PGGT1B: variants seen among roughly 807,000 people sequenced by gnomAD.
PGGT1B encodes geranylgeranyl transferase type-1 subunit beta.
A neutral mutation model predicts 46.1 loss-of-function variants in PGGT1B; 30 were observed. The observed-to-expected ratio is 0.65, with a 90% CI of 0.49 to 0.88. The LOEUF (loss-of-function observed/expected upper bound fraction) is 0.88, where lower values mean the gene tolerates loss of function less well. Among genes scored for constraint, PGGT1B ranks in the 40% least tolerant of loss-of-function variants. The probability of loss-of-function intolerance (pLI) is 0.00; values close to 1 mark genes in which losing one functional copy is unlikely to be tolerated. For missense variants in PGGT1B, 376 were observed against 455.9 expected (o/e 0.82, Z 1.60); for synonymous variants, 170 against 160.0 (o/e 1.06, Z -0.47).
At chr5:115,216,839 T>C (rs781371203) in intron 8 of PGGT1B, 26 bp downstream of exon 8, 8 of 1,136,686 alleles carry the variant, frequency 7.0e-6, no homozygotes, top group East Asian at 4.7e-5. Context: ...ATAAAGGTTG[T>C]TCTGATTCAC....
At chr5:115,251,258 T>C (rs1010962522) in intron 2 of PGGT1B, among the ~76,000 whole-genome samples, 7 of 152,114 alleles carry the variant, frequency 4.6e-5, no homozygotes, top group Non-Finnish European at 8.8e-5. Context: ...TGAACCCTTG[T>C]TATTTTCCAC....
intron 8 of PGGT1B, among the ~76,000 whole-genome samples, chr5:115,214,323 A>G (rs1756342813): frequency 6.6e-6 from 1 of 152,176 alleles, no homozygotes; most frequent in South Asian, 2.1e-4. Context: ...CCTTATCTGT[A>G]AGTGGCAACG....
rs1274202747 is a variant in PGGT1B at position 115,211,650 on chromosome 5, A to G, written c.*752T>C. 1 of 151,440 alleles carries G rather than the reference A, an allele frequency of 6.6e-6. No homozygotes were observed. Among genetic ancestry groups the G allele is most frequent in the Non-Finnish European group, 1.5e-5 (1 of 67,754 alleles). 9.4% of individuals were successfully genotyped at this position (151,440 alleles called of 1,614,324 possible). A position where few individuals can be genotyped will look rare whatever the true frequency, so the allele number is the denominator to read the frequency against. ...AACTAATGATTTGAGAATAAAATCAAACATAACTGGTATTCACCACAGCAA... is the reference window on the plus strand; with the variant it reads ...AACTAATGATTTGAGAATAAAATCAGACATAACTGGTATTCACCACAGCAA... On this transcript the variant is annotated 3_prime_UTR_variant, in exon 9 of 9. Coordinates refer to ENST00000419445, the MANE Select transcript of PGGT1B (RefSeq NM_005023.4).
At chr5:115,260,724 CA>C (rs919589007) in intron 1 of PGGT1B, among the ~76,000 whole-genome samples, 1 of 151,838 alleles carries the variant, frequency 6.6e-6, no homozygotes, top group Middle Eastern at 3.2e-3. Context: ...AAACATTAGA[CA>C]AAAAAGGATA....
At position 115,253,234 on chromosome 5, in the gene PGGT1B, T is replaced by A; in HGVS notation, c.162A>T (p.Ala54=). ...AATCCAACATATCCAGCCCGGAGAG[T>A]GCAAAAAATGCAATTGTCAACCTAA... ...ETSRLTIAFF[A]LSGLDMLDSL... Residue 54 remains alanine (A), a synonymous_variant, in exon 2 of 9, where the codon GCA becomes GCT. Transcript: ENST00000419445. 6.3e-7 allele frequency: 1 copy of A among 1,575,304 alleles called. No homozygotes were observed. The highest frequency in any genetic ancestry group is 1.2e-5 in the South Asian group (1 of 83,900).
At chr5:115,232,115 CA>C (rs1216412310) in intron 5 of PGGT1B, among the ~76,000 whole-genome samples, 1 of 151,938 alleles carries the variant, frequency 6.6e-6, no homozygotes, top group Non-Finnish European at 1.5e-5. Context: ...GATGAAAGTG[CA>C]GTAAAGAAAT....
intron 5 of PGGT1B, among the ~76,000 whole-genome samples, chr5:115,235,822 T>C (rs186963152): frequency 7.9e-5 from 12 of 152,218 alleles, no homozygotes; most frequent in South Asian, 4.1e-4. Flanking sequence ...ATATTGCCTA[T>C]GAAAAGTTGA....
intron 1 of PGGT1B, among the ~76,000 whole-genome samples, chr5:115,253,821 G>C (rs1253815324): frequency 6.6e-6 from 1 of 151,842 alleles, no homozygotes; most frequent in Non-Finnish European, 1.5e-5. Flanking sequence ...AGCATTCTTT[G>C]GCAGAATGAA....
chr5:115,216,221 C>T (rs935238595), intron 8 of PGGT1B, among the ~76,000 whole-genome samples: 1 of 151,986 alleles, frequency 6.6e-6, no homozygotes. Flanking sequence ...CTCACTGGAA[C>T]CTCTGCTTCC....
chr5:115,221,455 T>G (rs1389596633), intron 7 of PGGT1B, among the ~76,000 whole-genome samples: 1 of 152,096 alleles, frequency 6.6e-6, no homozygotes, highest in Non-Finnish European at 1.5e-5. Flanking sequence ...TACCTTCCCA[T>G]AAAACCTTTA....
chr5:115,234,783 C>T (rs575185172), intron 5 of PGGT1B, among the ~76,000 whole-genome samples: 1 of 151,842 alleles, frequency 6.6e-6, no homozygotes, highest in Non-Finnish European at 1.5e-5. Context: ...TAAAATGAGC[C>T]CTGTGGTGTT....
rs890372307 is a variant in PGGT1B at position 115,205,013 on chromosome 5, T to C, written c.*7389A>G. On this transcript the variant is annotated 3_prime_UTR_variant, in exon 9 of 9. Coordinates refer to ENST00000419445, the MANE Select transcript of PGGT1B (RefSeq NM_005023.4). ...AATTGCTGAAACTTAAATGACAAGA[T>C]GAAAATCCATTAACAGGCTAGCATA... 1 of 152,172 alleles carries C rather than the reference T, an allele frequency of 6.6e-6. No individual in the cohort carries two copies. The highest frequency in any genetic ancestry group is 1.5e-5 in the Non-Finnish European group (1 of 68,018). The allele number at this position is 152,172 out of a possible 1,614,324, so 9.4% of individuals were successfully genotyped here.
intron 5 of PGGT1B, among the ~76,000 whole-genome samples, chr5:115,232,788 T>C (rs1029914766): frequency 1.3e-5 from 2 of 151,948 alleles, no homozygotes; most frequent in Non-Finnish European, 2.9e-5. Context: ...ACTGGCTATA[T>C]GGAAGGCACT....
rs1460817497 is a variant in PGGT1B at position 115,205,291 on chromosome 5, G to C, written c.*7111C>G. On this transcript the variant is annotated 3_prime_UTR_variant, in exon 9 of 9. Coordinates refer to ENST00000419445, the MANE Select transcript of PGGT1B (RefSeq NM_005023.4). ...AGTAGATGCAAACATACATGAGTGAGGTCCCATGTACCAATCACCAACTGC... is the reference window on the plus strand; with the variant it reads ...AGTAGATGCAAACATACATGAGTGACGTCCCATGTACCAATCACCAACTGC... The C allele has an allele frequency of 6.6e-6, 1 of 152,092 alleles. No homozygotes were observed. Among genetic ancestry groups the C allele is most frequent in the African/African-American group, 2.4e-5 (1 of 41,416 alleles). The allele number at this position is 152,092 out of a possible 1,614,324, so 9.4% of individuals were successfully genotyped here.
Position 115,204,346 on chromosome 5 carries a change from T to G in PGGT1B, c.*8056A>C, listed in dbSNP as rs1019947212. The stretch of plus-strand genomic sequence containing the variant: ...CAGAGAATCTGCACTTTCTAACGAG[T>G]ACCCAGGTGATGCTAGTGTTTCCAT... On this transcript the variant is annotated 3_prime_UTR_variant, in exon 9 of 9. Coordinates refer to ENST00000419445, the MANE Select transcript of PGGT1B (RefSeq NM_005023.4). The G allele has an allele frequency of 5.3e-5, 8 of 152,226 alleles. No homozygotes were observed. Among genetic ancestry groups the G allele is most frequent in the Middle Eastern group, 3.4e-3 (1 of 294 alleles). The allele number at this position is 152,226 out of a possible 1,614,324, so 9.4% of individuals were successfully genotyped here.
intron 1 of PGGT1B, among the ~76,000 whole-genome samples, chr5:115,255,534 T>C (rs1748274409): frequency 6.6e-6 from 1 of 152,176 alleles, no homozygotes; most frequent in Non-Finnish European, 1.5e-5. Context: ...CAGGTACAAT[T>C]AAGCATCTAC....
chr5:115,212,694 A>C, intron 8 of PGGT1B, 111 bp from the exon 9 acceptor site: 1 of 670,662 alleles, frequency 1.5e-6, no homozygotes, highest in Admixed American at 3.3e-5. Context: ...GTAAGTTTAG[A>C]GAAATGCTAA....
chr5:115,231,442 T>A (rs1756981373), intron 5 of PGGT1B: 1 of 152,546 alleles, frequency 6.6e-6, no homozygotes, highest in Admixed American at 6.6e-5. Flanking sequence ...AGAATAATGG[T>A]AGCCATTATT....
rs546588441 is a variant in PGGT1B, at chr5:115,247,615, C to T, written c.259+5522G>A. On this transcript the variant is annotated intron_variant, in intron 2 of 8. Transcript: ENST00000419445. ...TTTCCTAGTAAGAAGACATGCCTTA[C>T]ACAACTCCTTAAGGATGTCAAGAAA... Among the ~76,000 whole-genome samples the T allele has an allele frequency of 2.0e-5, 3 of 152,116 alleles. No homozygotes were observed. The East Asian group carries it at 5.8e-4, about 29-fold the overall frequency.
Sources: gnomAD v4.1 joint callset for allele counts (sites outside exome capture counted in the v4.1 genomes callset) on GRCh38, gnomAD v4.1.1 for gene constraint, MANE v1.5 for transcripts, NCBI Gene and HGNC (gene_info 2026-07-23, HGNC 2026-07-21) for gene names.